The following TRPM4 variants were observed in gnomAD, a reference collection of about 807,000 sequenced individuals.
The protein encoded by TRPM4 is calcium-activated non-selective cation channel 1.
Under a neutral mutation model 135.6 loss-of-function variants are expected in TRPM4, and 124 were observed. The observed-to-expected ratio is 0.91, with a 90% CI of 0.79 to 1.06. TRPM4 has a LOEUF of 1.06. TRPM4 is among the 50% of genes least tolerant of loss of function. TRPM4 has a pLI of 0.00. For missense variants in TRPM4, 1,658 were observed against 1,671.4 expected (o/e 0.99, Z 0.14); for synonymous variants, 745 against 705.6 (o/e 1.06, Z -0.88).
chr19:49,163,448 C>T (rs11882392), intron 2 of TRPM4, among the ~76,000 whole-genome samples: 4,142 of 152,122 alleles, frequency 0.027, 176 homozygotes, highest in African/African-American at 0.095. Flanking sequence ...CCCGCCTTGG[C>T]CTCCCAAAGT....
In TRPM4 at chr19:49,197,308, TTTTCTTTCTTTCTTTCTTTC is replaced by T. The variant is rs78342507; in HGVS notation, c.2645+472_2645+491del. On this transcript the variant is annotated intron_variant, in intron 17 of 24. Coordinates refer to ENST00000252826, the MANE Select transcript of TRPM4 (RefSeq NM_017636.4). ...TCTTTCTTTCTTTCTCTTTCTTTCT[TTTTCTTTCTTTCTTTCTTTC>T]TTTCTTTCTTTCTTTCTTTCTTTCT... 3.5e-3 allele frequency among the ~76,000 whole-genome samples: 433 copies of T among 122,318 alleles called. 1 individual carries two copies. Among genetic ancestry groups the T allele is most frequent in the Middle Eastern group, 7.7e-3 (2 of 260 alleles). The allele number at this position is 122,318 out of a possible 152,430, so 80.2% of individuals were successfully genotyped here. A position where few individuals can be genotyped will look rare whatever the true frequency, so the allele number is the denominator to read the frequency against.
Position 49,211,285 on chromosome 19 carries a change from C to T in TRPM4, c.3640+16C>T, listed in dbSNP as rs765675039. On this transcript the variant is annotated intron_variant, in intron 24 of 24. Transcript: ENST00000252826. The surrounding 1 kb of genome is among the most constrained non-coding windows in gnomAD (Gnocchi z 4.8). ...GGGTCCAAAGGTCAGTGTGTAGCAT[C>T]AGCCTGTGCATCTCCAGCCTCTGTT... is the stretch of plus-strand genomic sequence containing the variant. 5.1e-6 allele frequency: 8 copies of T among 1,575,564 alleles called. No homozygotes were observed. In the Admixed American group the frequency reaches 9.3e-5, roughly 18 times the overall value.
At position 49,181,447 on chromosome 19, in the gene TRPM4, GA is replaced by G; in HGVS notation, c.1250del (p.Asp417AlafsTer18). The G allele has an allele frequency of 6.2e-7, 1 of 1,613,296 alleles. No individual in the cohort carries two copies. Among genetic ancestry groups the G allele is most frequent in the South Asian group, 1.1e-5 (1 of 91,052 alleles). On this transcript the variant is annotated frameshift_variant, in exon 10 of 25. Transcript: ENST00000252826. LOFTEE classifies it high-confidence loss of function. ...DIAQSELFRG[D>X]IQWRSFHLEA... ...TGCCCAGAGTGAACTCTTTCGGGGG[GA>G]CATCCAATGGCGGGTGAGGGGTCAG...
At position 49,182,806 on chromosome 19, in the gene TRPM4, C is replaced by A. The variant is rs757025634; in HGVS notation, c.1492C>A (p.Leu498Ile). Residue 498 changes from leucine (L) to isoleucine (I), a missense_variant, in exon 11 of 25, where the codon CTC (leucine) becomes ATC (isoleucine). Leu to Ile is a conservative substitution (Grantham distance 5). Around this residue, in one of 3 missense-constraint regions of TRPM4, gnomAD observed 1,412 missense variants for 1,408.7 expected, o/e 1.00. Coordinates refer to ENST00000252826, the MANE Select transcript of TRPM4 (RefSeq NM_017636.4). ...APALKGGAAELRPPDVGHVLR... is the reference protein window; with the variant it reads ...APALKGGAAEIRPPDVGHVLR... ...AGCCCTAAAAGGGGGAGCTGCGGAG[C>A]TCCGGCCCCCTGACGTGGGGCATGT... The A allele has an allele frequency of 1.3e-6, 2 of 1,577,516 alleles. No homozygotes were observed. Among genetic ancestry groups the A allele is most frequent in the South Asian group, 2.2e-5 (2 of 89,854 alleles).
chr19:49,201,230 C>T (rs1319941294), intron 19 of TRPM4, among the ~76,000 whole-genome samples: 2 of 152,142 alleles, frequency 1.3e-5, no homozygotes, highest in Admixed American at 1.3e-4. Flanking sequence ...TTTTTATTGG[C>T]TGGAACCGGA....
chr19:49,165,081 G>A (rs1225197497), intron 2 of TRPM4, among the ~76,000 whole-genome samples: 1 of 151,954 alleles, frequency 6.6e-6, no homozygotes, highest in African/African-American at 2.4e-5. Flanking sequence ...CCAAACCCCT[G>A]TTACTTACTC....
chr19:49,177,855 G>A (rs1169952741), intron 9 of TRPM4, among the ~76,000 whole-genome samples: 1 of 152,172 alleles, frequency 6.6e-6, no homozygotes, highest in Non-Finnish European at 1.5e-5. Context: ...ATTGCAAGGG[G>A]CATGTTTGGA....
chr19:49,179,381 C>G (rs1967828823), intron 9 of TRPM4, among the ~76,000 whole-genome samples: 1 of 150,914 alleles, frequency 6.6e-6, no homozygotes, highest in Admixed American at 6.6e-5. Context: ...GACGGAGTCT[C>G]CCTTTCTCAC....
intron 2 of TRPM4, among the ~76,000 whole-genome samples, chr19:49,161,259 C>T (rs1428454128): frequency 2.7e-5 from 4 of 148,034 alleles, no homozygotes; most frequent in Admixed American, 1.4e-4. Flanking sequence ...CAATTGTGTG[C>T]GTGTGTTTGT....
chr19:49,203,026 G>C (rs1600522876), intron 20 of TRPM4, among the ~76,000 whole-genome samples: 1 of 151,890 alleles, frequency 6.6e-6, no homozygotes, highest in East Asian at 1.9e-4. Context: ...GAGTAGCTGG[G>C]ACTACAGGTG....
chr19:49,178,443 A>G (rs1302595191), intron 9 of TRPM4, among the ~76,000 whole-genome samples: 1 of 152,128 alleles, frequency 6.6e-6, no homozygotes, highest in Non-Finnish European at 1.5e-5. Flanking sequence ...CCAGGAGGAC[A>G]GTCGGGGAGG....
At position 49,196,487 on chromosome 19, in the gene TRPM4, CGGG is replaced by C; in HGVS notation, c.2259_2261del (p.Gly754del). On this transcript the variant is annotated inframe_deletion, in exon 17 of 25. Coordinates refer to ENST00000252826, the MANE Select transcript of TRPM4 (RefSeq NM_017636.4). ...ACGCCGCTGGGGGTCCCGCGCCAGT[CGGG>C]CCGTCCGGGTTGCTGCGGGGGCCGC... is the stretch of plus-strand genomic sequence containing the variant. 3 of 1,554,426 alleles carry C rather than the reference CGGG, an allele frequency of 1.9e-6. No homozygotes were observed.
chr19:49,174,043 C>G (rs1241762372), intron 9 of TRPM4, among the ~76,000 whole-genome samples: 3 of 152,074 alleles, frequency 2.0e-5, no homozygotes, highest in African/African-American at 7.2e-5. Context: ...CTCAAAGACC[C>G]CAGATCCCAC....
chr19:49,189,044 GC>G lies in TRPM4; in HGVS notation c.1974del (p.Met659CysfsTer18). ...GGGGGATGCCACTTGCCTCCAGCTG[GC>G]CATGCAAGCTGACGCCCGTGCCTTC... ...LWGDATCLQL[A>X]MQADARAFFA... On this transcript the variant is annotated frameshift_variant, in exon 14 of 25. Coordinates refer to ENST00000252826, the MANE Select transcript of TRPM4 (RefSeq NM_017636.4). LOFTEE classifies it high-confidence loss of function. 1 of 1,614,160 alleles carries G rather than the reference GC, an allele frequency of 6.2e-7. No homozygotes were observed. Among genetic ancestry groups the G allele is most frequent in the Non-Finnish European group, 8.5e-7 (1 of 1,180,028 alleles).
At chr19:49,175,840 G>C (rs965193415) in intron 9 of TRPM4, among the ~76,000 whole-genome samples, 1 of 149,032 alleles carries the variant, frequency 6.7e-6, no homozygotes, top group Admixed American at 6.7e-5. Context: ...TGTTAGCCAG[G>C]ATGGTCTCGA....
intron 12 of TRPM4, 107 bp from the exon 13 acceptor site, chr19:49,188,534 A>G: frequency 1.3e-6 from 2 of 1,496,426 alleles, no homozygotes; most frequent in Admixed American, 1.7e-5. Flanking sequence ...GCCTCTGATG[A>G]CCCCAGTTAG....
chr19:49,204,982 G>GTTTTTTTTTTTT (rs756332219), intron 20 of TRPM4, among the ~76,000 whole-genome samples: 2 of 60,758 alleles, frequency 3.3e-5, no homozygotes, highest in African/African-American at 1.1e-4. Context: ...GGCTTTGGTT[G>GTTTTTTTTTTTT]TTTTTTTTTT....
intron 20 of TRPM4, among the ~76,000 whole-genome samples, chr19:49,203,275 G>A (rs10425357): frequency 0.088 from 13,300 of 151,848 alleles, 1,770 homozygotes; most frequent in African/African-American, 0.29. Context: ...CACCTCCCAG[G>A]TTCAAGCGAT....
Position 49,182,933 on chromosome 19 carries a change from G to A in TRPM4, c.1608+11G>A, listed in dbSNP as rs774767782. 17 of 1,584,622 alleles carry A rather than the reference G, an allele frequency of 1.1e-5. No individual in the cohort carries two copies. Among genetic ancestry groups the A allele is most frequent in the African/African-American group, 2.7e-5 (2 of 74,466 alleles). On this transcript the variant is annotated intron_variant, in intron 11 of 24. Transcript: ENST00000252826. Reference sequence around the variant, plus strand: ...GGCTTCGGGGAGAGCGTAAGGACCGGGCAAAGCTGGGGGGCCCCCCCGCGC... The same window carrying A: ...GGCTTCGGGGAGAGCGTAAGGACCGAGCAAAGCTGGGGGGCCCCCCCGCGC...
Sources: gnomAD v4.1 joint callset for allele counts (sites outside exome capture counted in the v4.1 genomes callset) on GRCh38, gnomAD v4.1.1 for gene constraint, gnomAD v4.1.1 regional missense constraint, Gnocchi (gnomAD v3.1) non-coding constraint, MANE v1.5 for transcripts, NCBI Gene and HGNC (gene_info 2026-07-23, HGNC 2026-07-21) for gene names.